Variants in CNTNAP2 observed in about 807,000 individuals in gnomAD.
CNTNAP2 encodes contactin associated protein 2, also known as contactin-associated protein-like 2.
Under a neutral mutation model 155.2 loss-of-function variants are expected in CNTNAP2, and 98 were observed. The observed-to-expected ratio is 0.63, with a 90% CI of 0.54 to 0.75. The LOEUF (loss-of-function observed/expected upper bound fraction) is 0.75, where lower values mean the gene tolerates loss of function less well. Among genes scored for constraint, CNTNAP2 ranks in the 30% least tolerant of loss-of-function variants. The pLI is 0.00. For synonymous variants in CNTNAP2, 651 were observed against 631.2 expected (o/e 1.03, Z -0.47); for missense variants, 1,727 against 1,688.1 (o/e 1.02, Z -0.40).
intron 8 of CNTNAP2, among the ~76,000 whole-genome samples, chr7:147,293,979 A>G (rs1213319614): frequency 2.6e-5 from 4 of 152,190 alleles, no homozygotes; most frequent in African/African-American, 9.7e-5. Context: ...TCTTTATATG[A>G]ATATCAGTTT....
At chr7:148,014,663 T>G (rs541833543) in intron 15 of CNTNAP2, among the ~76,000 whole-genome samples, 2 of 152,198 alleles carry the variant, frequency 1.3e-5, no homozygotes, top group African/African-American at 4.8e-5. Context: ...CTTGTTGATA[T>G]AAAGAGCTCG....
chr7:148,050,533 A>T (rs1308950186), intron 15 of CNTNAP2, among the ~76,000 whole-genome samples: 1 of 152,192 alleles, frequency 6.6e-6, no homozygotes, highest in Non-Finnish European at 1.5e-5. Context: ...AAAAGAAATT[A>T]AAAGTTTAGA....
chr7:147,981,974 C>A (rs1286677298), intron 15 of CNTNAP2, among the ~76,000 whole-genome samples: 1 of 151,798 alleles, frequency 6.6e-6, no homozygotes, highest in African/African-American at 2.4e-5. Context: ...ACGTACGCAC[C>A]TAGAAAGAAA....
chr7:146,488,991 CAG>C (rs776032521), intron 1 of CNTNAP2, among the ~76,000 whole-genome samples: 11 of 152,272 alleles, frequency 7.2e-5, no homozygotes, highest in Admixed American at 2.0e-4. Flanking sequence ...GACATGGAAA[CAG>C]AGATTTCAAT....
At chr7:146,988,773 TA>T (rs974800683) in intron 3 of CNTNAP2, among the ~76,000 whole-genome samples, 1 of 152,184 alleles carries the variant, frequency 6.6e-6, no homozygotes, top group Non-Finnish European at 1.5e-5. Context: ...TAATAGATCT[TA>T]GGCTATTTGG....
intron 10 of CNTNAP2, among the ~76,000 whole-genome samples, chr7:147,461,629 G>A (rs542635231): frequency 6.6e-6 from 1 of 151,236 alleles, no homozygotes; most frequent in Admixed American, 6.6e-5. Flanking sequence ...TCCAGCTTTG[G>A]GGGCATTCTG....
At chr7:148,301,326 T>TATATATATATA (rs1280693837) in intron 21 of CNTNAP2, among the ~76,000 whole-genome samples, 1 of 138,024 alleles carries the variant, frequency 7.2e-6, no homozygotes, top group African/African-American at 2.6e-5. Flanking sequence ...TATATATAGG[T>TATATATATATA]TAAAATGTCC....
At chr7:147,732,807 A>T (rs182241035) in intron 13 of CNTNAP2, among the ~76,000 whole-genome samples, 6 of 151,616 alleles carry the variant, frequency 4.0e-5, no homozygotes, top group Admixed American at 3.9e-4. Context: ...GCATTTTTTC[A>T]TCATCTTGGC....
chr7:147,526,853 G>A (rs930884511), intron 11 of CNTNAP2, among the ~76,000 whole-genome samples: 7 of 151,976 alleles, frequency 4.6e-5, no homozygotes, highest in Non-Finnish European at 8.8e-5. Flanking sequence ...TTGGGATTTG[G>A]GGACTTTGGC....
intron 15 of CNTNAP2, among the ~76,000 whole-genome samples, chr7:148,076,321 A>G (rs1803483349): frequency 2.0e-5 from 3 of 151,168 alleles, no homozygotes; most frequent in South Asian, 2.1e-4. Context: ...AACACCTCCA[A>G]TGTGTAGGAC....
At chr7:146,461,264 G>A (rs966574880) in intron 1 of CNTNAP2, among the ~76,000 whole-genome samples, 4 of 151,904 alleles carry the variant, frequency 2.6e-5, no homozygotes, top group African/African-American at 9.7e-5. Flanking sequence ...AATTAGCTGG[G>A]CGTGGTGGCA....
chr7:147,513,031 C>T (rs1799048920), intron 11 of CNTNAP2, among the ~76,000 whole-genome samples: 1 of 151,734 alleles, frequency 6.6e-6, no homozygotes, highest in Non-Finnish European at 1.5e-5. Flanking sequence ...AAGAAAAAAA[C>T]ATAAAGTGAT....
Position 148,418,122 on chromosome 7 carries a change from A to G in CNTNAP2, c.*2506A>G, listed in dbSNP as rs996170695. On this transcript the variant is annotated 3_prime_UTR_variant, in exon 24 of 24. Transcript: ENST00000361727. ...ACTAAGTGCCAAATAAATGCTGGAA[A>G]TCTTGACCTCTCCTTGGGATTATGG... The G allele has an allele frequency of 2.2e-4, 33 of 152,240 alleles. No individual in the cohort carries two copies. Among genetic ancestry groups the G allele is most frequent in the African/African-American group, 7.5e-4 (31 of 41,462 alleles). The allele number at this position is 152,240 out of a possible 1,614,324, so 9.4% of individuals were successfully genotyped here. A position where few individuals can be genotyped will look rare whatever the true frequency, so the allele number is the denominator to read the frequency against.
At chr7:147,900,412 C>G (rs1242640811) in intron 13 of CNTNAP2, among the ~76,000 whole-genome samples, 1 of 152,142 alleles carries the variant, frequency 6.6e-6, no homozygotes, top group Admixed American at 6.5e-5. Context: ...CTTGCTTTCT[C>G]TCTCTCCTGC....
At chr7:147,336,617 A>G (rs570100730) in intron 9 of CNTNAP2, among the ~76,000 whole-genome samples, 2 of 152,266 alleles carry the variant, frequency 1.3e-5, no homozygotes, top group East Asian at 3.9e-4. Context: ...TGGTAAGAAC[A>G]TGAAGGTTTG....
At chr7:146,416,292 A>T (rs1795937908) in intron 1 of CNTNAP2, among the ~76,000 whole-genome samples, 1 of 150,610 alleles carries the variant, frequency 6.6e-6, no homozygotes. Flanking sequence ...ATATACCTAT[A>T]TATATAATAT....
intron 13 of CNTNAP2, among the ~76,000 whole-genome samples, chr7:147,652,995 A>T (rs897548251): frequency 6.6e-6 from 1 of 152,180 alleles, no homozygotes; most frequent in Non-Finnish European, 1.5e-5. Context: ...ATTGGCCCTG[A>T]CAAGTATATT....
intron 13 of CNTNAP2, among the ~76,000 whole-genome samples, chr7:147,768,949 C>T (rs1285521683): frequency 1.3e-5 from 2 of 152,036 alleles, no homozygotes; most frequent in Admixed American, 1.3e-4. Flanking sequence ...ACTTTATTTT[C>T]CTTTTCCTTC....
chr7:146,622,030 G>A (rs1481458296), intron 1 of CNTNAP2, among the ~76,000 whole-genome samples: 1 of 151,962 alleles, frequency 6.6e-6, no homozygotes, highest in Admixed American at 6.6e-5. Flanking sequence ...AACTCTTTCA[G>A]TTGCCCTGTG....
Sources: gnomAD v4.1 joint callset for allele counts (sites outside exome capture counted in the v4.1 genomes callset) on GRCh38, gnomAD v4.1.1 for gene constraint, MANE v1.5 for transcripts, NCBI Gene and HGNC (gene_info 2026-07-23, HGNC 2026-07-21) for gene names.